Variants in CNTRL observed in about 807,000 individuals in gnomAD.
CNTRL encodes 110 kDa centrosomal protein.
A neutral mutation model predicts 303.7 loss-of-function variants in CNTRL; 233 were observed. The observed-to-expected ratio is 0.77, with a 90% confidence interval of 0.69 to 0.86. The LOEUF (loss-of-function observed/expected upper bound fraction) is 0.86, where lower values mean the gene tolerates loss of function less well. Among genes scored for constraint, CNTRL ranks in the 40% least tolerant of loss-of-function variants. CNTRL has a pLI of 0.00. For synonymous variants in CNTRL, 900 were observed against 922.2 expected (o/e 0.98, Z 0.44); for missense variants, 2,524 against 2,650.6 (o/e 0.95, Z 1.05).
At chr9:121,124,499 A>AT (rs2050396083) in intron 13 of CNTRL, among the ~76,000 whole-genome samples, 1 of 152,210 alleles carries the variant, frequency 6.6e-6, no homozygotes, top group South Asian at 2.1e-4. Flanking sequence ...ATAATAGTGG[A>AT]AAAGGAAGAC....
intron 13 of CNTRL, among the ~76,000 whole-genome samples, chr9:121,124,333 C>T (rs1037941328): frequency 2.6e-5 from 4 of 152,136 alleles, no homozygotes; most frequent in African/African-American, 4.8e-5. Flanking sequence ...GAAGTCAATA[C>T]GTGATCATGA....
At chr9:121,176,689 T>G in intron 43 of CNTRL, among the ~76,000 whole-genome samples, 1 of 152,194 alleles carries the variant, frequency 6.6e-6, no homozygotes, top group East Asian at 1.9e-4. Context: ...GGTAGAATTA[T>G]TTAGAAGTCT....
At chr9:121,134,229 CGAT>C (rs2051046382) in intron 14 of CNTRL, among the ~76,000 whole-genome samples, 1 of 151,904 alleles carries the variant, frequency 6.6e-6, no homozygotes. Flanking sequence ...TGCATCACTA[CGAT>C]ATCATTATTA....
chr9:121,119,488 G>T (rs1461907602), intron 12 of CNTRL, among the ~76,000 whole-genome samples: 1 of 151,834 alleles, frequency 6.6e-6, no homozygotes, highest in African/African-American at 2.4e-5. Context: ...TAGAGACAAG[G>T]TCTCACCATG....
rs758103204 is a variant in CNTRL, at chr9:121,157,721, A to G, written c.4497-19A>G. The G allele has an allele frequency of 1.9e-6, 3 of 1,612,824 alleles. No individual in the cohort carries two copies. The highest frequency in any genetic ancestry group is 8.5e-7 in the Non-Finnish European group (1 of 1,179,548). ...GGTAAGTCTACAGGACCTGGGGGGA[A>G]TAAAGCAATGTGCTTTAGATCGCTC... On this transcript the variant is annotated intron_variant, in intron 28 of 43. Coordinates refer to ENST00000373855, the MANE Select transcript of CNTRL (RefSeq NM_007018.6).
intron 12 of CNTRL, among the ~76,000 whole-genome samples, chr9:121,122,140 G>C (rs2050266644): frequency 1.3e-5 from 2 of 152,146 alleles, no homozygotes; most frequent in Admixed American, 6.5e-5. Context: ...TGCGTATAAA[G>C]GTTTTGGTGG....
chr9:121,147,342 T>C (rs1161153218), intron 23 of CNTRL, among the ~76,000 whole-genome samples: 1 of 152,188 alleles, frequency 6.6e-6, no homozygotes, highest in Admixed American at 6.5e-5. Context: ...TTAGAATCTC[T>C]TACACTTAAT....
At chr9:121,087,292 G>C (rs1394267568) in intron 2 of CNTRL, among the ~76,000 whole-genome samples, 1 of 152,170 alleles carries the variant, frequency 6.6e-6, no homozygotes, top group Non-Finnish European at 1.5e-5. Flanking sequence ...AGGAGGAACG[G>C]GGTAAATAAA....
chr9:121,123,418 TA>T (rs927482612), intron 12 of CNTRL, among the ~76,000 whole-genome samples: 2 of 151,688 alleles, frequency 1.3e-5, no homozygotes, highest in South Asian at 2.1e-4. Context: ...CCGTCTGTAC[TA>T]AAAAAAACAA....
In CNTRL at chr9:121,150,797, C is replaced by G. The variant is rs1385625269; in HGVS notation, c.3963+314C>G. ...AAATACCATGTACAGGAGTTAGGGT[C>G]TCAGGCCAGTCTACAAACCTGGGTT... On this transcript the variant is annotated intron_variant, in intron 25 of 43. Coordinates refer to ENST00000373855, the MANE Select transcript of CNTRL (RefSeq NM_007018.6). 1.8e-5 allele frequency: 5 copies of G among 279,870 alleles called. No homozygotes were observed. The East Asian group carries it at 3.7e-4, about 21-fold the overall frequency. The allele number at this position is 279,870 out of a possible 1,614,324, so 17.3% of individuals were successfully genotyped here.
rs139436228 is a variant in CNTRL, at chr9:121,134,260, G to A, written c.2026-1546G>A. 2.7e-4 allele frequency among the ~76,000 whole-genome samples: 41 copies of A among 151,342 alleles called. No individual in the cohort carries two copies. In the East Asian group the frequency reaches 3.1e-3, roughly 11 times the overall value. On this transcript the variant is annotated intron_variant, in intron 14 of 43. Transcript: ENST00000373855. Reference sequence around the variant, plus strand: ...CATTATTACACCTAAGAAAAATGACGGTAATTCCCTAATGTCCTCTAATAT... The same window carrying A: ...CATTATTACACCTAAGAAAAATGACAGTAATTCCCTAATGTCCTCTAATAT...
intron 34 of CNTRL, among the ~76,000 whole-genome samples, 157 bp from the exon 35 acceptor site, chr9:121,164,783 GATA>G (rs1411162565): frequency 2.0e-5 from 3 of 152,162 alleles, no homozygotes; most frequent in East Asian, 1.9e-4. Flanking sequence ...TTAGAAAGCT[GATA>G]ATAAGATTCT....
chr9:121,171,735 A>C, intron 40 of CNTRL, 187 bp downstream of exon 40: 1 of 475,376 alleles, frequency 2.1e-6, no homozygotes, highest in Non-Finnish European at 3.6e-6. Flanking sequence ...TTAAAAATAT[A>C]AATTTCTCTT....
chr9:121,125,726 A>G lies in CNTRL; in HGVS notation c.1815A>G (p.Ala605=). Residue 605 remains alanine (A), a synonymous_variant, in exon 14 of 44, where the codon GCA becomes GCG. Transcript: ENST00000373855. Reference sequence around the variant, plus strand: ...TTGCATCTTGCTTAGGCCAGATAGCAGCAAATGAAGCCCTGAAGAAGGATT... The same window carrying G: ...TTGCATCTTGCTTAGGCCAGATAGCGGCAAATGAAGCCCTGAAGAAGGATT... ...LEEQLTEGQI[A]ANEALKKDLE... is the part of the protein sequence containing the mutation. 1 of 1,614,156 alleles carries G rather than the reference A, an allele frequency of 6.2e-7. No homozygotes were observed. Among genetic ancestry groups the G allele is most frequent in the Admixed American group, 1.7e-5 (1 of 60,032 alleles).
intron 14 of CNTRL, among the ~76,000 whole-genome samples, chr9:121,126,370 T>A (rs1385524402): frequency 1.3e-5 from 2 of 152,226 alleles, no homozygotes; most frequent in Non-Finnish European, 2.9e-5. Flanking sequence ...TATATCCTTA[T>A]GAACCTGATT....
intron 38 of CNTRL, 79 bp downstream of exon 38, chr9:121,168,400 G>T: frequency 7.8e-7 from 1 of 1,276,408 alleles, no homozygotes; most frequent in Admixed American, 1.9e-5. Flanking sequence ...TATTTAAAGA[G>T]ATCCGGACCC....
chr9:121,110,515 C>T (rs754088617), intron 8 of CNTRL, among the ~76,000 whole-genome samples: 4 of 152,056 alleles, frequency 2.6e-5, no homozygotes, highest in African/African-American at 4.8e-5. Flanking sequence ...CTTCTTTTAG[C>T]CCTTGTCTTG....
intron 3 of CNTRL, 27 bp from the exon 4 acceptor site, chr9:121,090,248 G>T: frequency 6.4e-7 from 1 of 1,573,610 alleles, no homozygotes. Flanking sequence ...TTCCTCTACT[G>T]ATGATGATCT....
At chr9:121,121,362 G>T (rs1217194633) in intron 12 of CNTRL, among the ~76,000 whole-genome samples, 1 of 152,068 alleles carries the variant, frequency 6.6e-6, no homozygotes, top group Non-Finnish European at 1.5e-5. Context: ...GAAAGAGGTG[G>T]AGCCCTTGCT....
Sources: allele counts gnomAD v4.1 joint callset (sites outside exome capture counted in the v4.1 genomes callset), GRCh38; gene constraint gnomAD v4.1.1; transcripts MANE v1.5; gene names NCBI Gene and HGNC (gene_info 2026-07-23, HGNC 2026-07-21).